The following PLXNA4 variants were observed in gnomAD, a reference collection of about 807,000 sequenced individuals.
PLXNA4 encodes plexin-A4.
In PLXNA4, 44 loss-of-function variants were observed where a neutral mutation model predicts 191.8. That is an observed-to-expected ratio of 0.23 (90% CI 0.18 to 0.29). The LOEUF (loss-of-function observed/expected upper bound fraction) is 0.29, where lower values mean the gene tolerates loss of function less well. Ranked by LOEUF, PLXNA4 falls within the 10% of genes least tolerant of loss-of-function variation. PLXNA4 has a pLI of 1.00. For synonymous variants in PLXNA4, 1,082 were observed against 1,009.5 expected (o/e 1.07, Z -1.36); for missense variants, 1,800 against 2,488.8 (o/e 0.72, Z 5.89).
intron 2 of PLXNA4, among the ~76,000 whole-genome samples, chr7:132,502,565 C>T (rs558120442): frequency 2.6e-5 from 4 of 152,254 alleles, no homozygotes; most frequent in Admixed American, 6.5e-5. Context: ...GGATCACAAA[C>T]GCCCTACAAT....
In PLXNA4 at chr7:132,416,512, A is replaced by G. The variant is rs1794665902; in HGVS notation, c.1371+72780T>C. ...CAGCCTGTCATTCTGGGTTTTTCCC[A>G]TCATCCTCATCCTTGATCCCTTCTG... On this transcript the variant is annotated intron_variant, in intron 3 of 31. Coordinates refer to ENST00000321063, the MANE Select transcript of PLXNA4 (RefSeq NM_020911.2). 2.0e-5 allele frequency among the ~76,000 whole-genome samples: 3 copies of G among 152,200 alleles called. No homozygotes were observed. The South Asian group carries it at 6.2e-4, about 32-fold the overall frequency.
At chr7:132,423,258 A>C (rs1294217002) in intron 3 of PLXNA4, among the ~76,000 whole-genome samples, 4 of 152,072 alleles carry the variant, frequency 2.6e-5, no homozygotes, top group Non-Finnish European at 5.9e-5. Flanking sequence ...TTTAGTCCAT[A>C]TTTCTATTTT....
intron 1 of PLXNA4, among the ~76,000 whole-genome samples, chr7:132,519,359 A>G (rs894936322): frequency 6.6e-6 from 1 of 152,210 alleles, no homozygotes; most frequent in African/African-American, 2.4e-5. Context: ...CTCTGAGTGC[A>G]CAGAAATGGG....
At chr7:132,490,462 G>C (rs1025879993) in intron 2 of PLXNA4, among the ~76,000 whole-genome samples, 2 of 106,810 alleles carry the variant, frequency 1.9e-5, no homozygotes, top group Admixed American at 1.4e-4. Flanking sequence ...GTCTCACTCT[G>C]TCACCCAGGC....
chr7:132,541,534 G>A lies in PLXNA4; in HGVS notation c.-86-32755C>T, dbSNP rs141785464. ...AGGGAGATTATGTCTTGATAGAGAT[G>A]GAAGTAACTAGTAGAGGTTTTTTCG... On this transcript the variant is annotated intron_variant, in intron 1 of 31. Transcript: ENST00000321063. Among the ~76,000 whole-genome samples the A allele has an allele frequency of 5.2e-3, 791 of 152,338 alleles. 8 individuals carry two copies. The highest frequency in any genetic ancestry group is 0.019 in the African/African-American group (774 of 41,580).
chr7:132,497,504 G>C (rs146676663), intron 2 of PLXNA4, among the ~76,000 whole-genome samples: 10 of 152,292 alleles, frequency 6.6e-5, no homozygotes, highest in African/African-American at 2.2e-4. Context: ...AGTAGGCTTA[G>C]GTTTAGCTCC....
intron 3 of PLXNA4, among the ~76,000 whole-genome samples, chr7:132,476,059 C>A (rs1797117660): frequency 6.6e-6 from 1 of 152,134 alleles, no homozygotes; most frequent in African/African-American, 2.4e-5. Flanking sequence ...GTGTGGGTGC[C>A]TCCCTGTGCG....
chr7:132,363,442 A>G lies in PLXNA4; in HGVS notation c.1372-65220T>C, dbSNP rs374454862. ...CCTCATATGAGTGGAATCACACAGT[A>G]TTTGTCCTTCTGTATCTGACTTATT... On this transcript the variant is annotated intron_variant, in intron 3 of 31. Coordinates refer to ENST00000321063, the MANE Select transcript of PLXNA4 (RefSeq NM_020911.2). Among the ~76,000 whole-genome samples, 12 of 152,290 alleles carry G rather than the reference A, an allele frequency of 7.9e-5. No individual in the cohort carries two copies. The East Asian group carries it at 1.2e-3, about 15-fold the overall frequency.
chr7:132,359,942 T>C (rs963370215), intron 3 of PLXNA4, among the ~76,000 whole-genome samples: 1 of 152,220 alleles, frequency 6.6e-6, no homozygotes, highest in Non-Finnish European at 1.5e-5. Flanking sequence ...CTTATCTAAA[T>C]GAAAGCATCA....
At chr7:132,322,102 A>G (rs1162594413) in intron 3 of PLXNA4, among the ~76,000 whole-genome samples, 2 of 151,926 alleles carry the variant, frequency 1.3e-5, no homozygotes, top group African/African-American at 4.8e-5. Flanking sequence ...CTTTGCATGC[A>G]GGCACTCGGG....
chr7:132,513,664 T>A (rs111368157), intron 1 of PLXNA4, among the ~76,000 whole-genome samples: 38 of 151,980 alleles, frequency 2.5e-4, no homozygotes, highest in Middle Eastern at 3.4e-3. Context: ...TTTTAGTTTT[T>A]GTTTTGTTTT....
At chr7:132,534,124 AGT>A (rs1489524150) in intron 1 of PLXNA4, among the ~76,000 whole-genome samples, 8 of 152,172 alleles carry the variant, frequency 5.3e-5, no homozygotes, top group Admixed American at 1.3e-4. Context: ...CCGCAGCTTG[AGT>A]GTGTGTAGTA....
intron 8 of PLXNA4, among the ~76,000 whole-genome samples, chr7:132,223,963 T>C (rs1005846301): frequency 6.6e-6 from 1 of 152,166 alleles, no homozygotes; most frequent in Admixed American, 6.5e-5. Context: ...AGGGCTTGTG[T>C]AGACAGACCT....
chr7:132,444,485 C>T (rs1242838046), intron 3 of PLXNA4, among the ~76,000 whole-genome samples: 1 of 152,218 alleles, frequency 6.6e-6, no homozygotes, highest in Non-Finnish European at 1.5e-5. Context: ...GAACTCTTGA[C>T]CTCCCAAAGT....
At chr7:132,383,537 GCTTT>G in intron 3 of PLXNA4, 1 of 974,930 alleles carries the variant, frequency 1.0e-6, no homozygotes, top group Non-Finnish European at 1.2e-6. Flanking sequence ...ATTGTATCAT[GCTTT>G]CTAATTGTCT....
At chr7:132,438,197 A>G (rs1795550197) in intron 3 of PLXNA4, among the ~76,000 whole-genome samples, 2 of 152,248 alleles carry the variant, frequency 1.3e-5, no homozygotes, top group South Asian at 4.1e-4. Context: ...TTAGGACCAC[A>G]GATTCTGGTT....
At chr7:132,643,466 A>C (rs1803793826) in intron 2 of PLXNA4, among the ~76,000 whole-genome samples, 1 of 151,548 alleles carries the variant, frequency 6.6e-6, no homozygotes, top group Non-Finnish European at 1.5e-5. Context: ...CCAAACCCAA[A>C]TGCTGCATAA....
chr7:132,219,426 C>A (rs1798071433), intron 9 of PLXNA4, among the ~76,000 whole-genome samples: 1 of 152,184 alleles, frequency 6.6e-6, no homozygotes, highest in Non-Finnish European at 1.5e-5. Flanking sequence ...ATGATGTAGA[C>A]CAAAGGCCTC....
intron 1 of PLXNA4, among the ~76,000 whole-genome samples, chr7:132,574,541 G>A (rs911857944): frequency 6.6e-6 from 1 of 152,230 alleles, no homozygotes; most frequent in Non-Finnish European, 1.5e-5. Flanking sequence ...CTCTGAGAAC[G>A]CATGTGTGTA....
Sources: gnomAD v4.1 joint callset for allele counts (sites outside exome capture counted in the v4.1 genomes callset) on GRCh38, gnomAD v4.1.1 for gene constraint, MANE v1.5 for transcripts, NCBI Gene and HGNC (gene_info 2026-07-23, HGNC 2026-07-21) for gene names.